FBXW11: variants seen among roughly 807,000 people sequenced by gnomAD.
FBXW11 encodes F-box/WD repeat-containing protein 11.
FBXW11 carries 19 observed loss-of-function variants against 77.6 expected under a neutral mutation model. The ratio of observed to expected loss-of-function variants is 0.24; its 90% CI spans 0.17 to 0.36. FBXW11 has a LOEUF of 0.36. Ranked by LOEUF, FBXW11 falls within the 10% of genes least tolerant of loss-of-function variation. The pLI is 1.00. For synonymous variants in FBXW11, 235 were observed against 249.4 expected (o/e 0.94, Z 0.54); for missense variants, 334 against 704.2 (o/e 0.47, Z 5.95).
intron 13 of FBXW11, chr5:171,868,220 T>C (rs1356409963): frequency 2.0e-5 from 3 of 150,126 alleles, no homozygotes; most frequent in East Asian, 1.9e-4. Context: ...TTTTGTCAGA[T>C]GGTGATTTTT....
intron 6 of FBXW11, among the ~76,000 whole-genome samples, 188 bp downstream of exon 6, chr5:171,898,816 A>G (rs1412462678): frequency 6.6e-6 from 1 of 152,208 alleles, no homozygotes. Flanking sequence ...ATTCTTTGCA[A>G]AAGACATTAT....
intron 7 of FBXW11, among the ~76,000 whole-genome samples, chr5:171,889,952 T>C (rs979463042): frequency 6.6e-6 from 1 of 152,030 alleles, no homozygotes; most frequent in African/African-American, 2.4e-5. Flanking sequence ...GGGAAAAATA[T>C]ATGCAAAACA....
chr5:171,918,695 G>C (rs2113973925), intron 2 of FBXW11, among the ~76,000 whole-genome samples: 1 of 152,272 alleles, frequency 6.6e-6, no homozygotes, highest in East Asian at 1.9e-4. Flanking sequence ...GAAGAAGCTA[G>C]ACTCTCAGGC....
chr5:171,986,026 A>G (rs1423389405), intron 1 of FBXW11, among the ~76,000 whole-genome samples: 1 of 152,244 alleles, frequency 6.6e-6, no homozygotes, highest in Non-Finnish European at 1.5e-5. Context: ...ACAGGAAAGT[A>G]CAAGCTCTGA....
chr5:171,978,844 C>T (rs200999367), intron 1 of FBXW11, among the ~76,000 whole-genome samples: 3 of 152,172 alleles, frequency 2.0e-5, no homozygotes, highest in Non-Finnish European at 4.4e-5. Context: ...TCTTTCTTCA[C>T]AAAAGAAATA....
chr5:171,902,229 C>T (rs1431528168), intron 4 of FBXW11, among the ~76,000 whole-genome samples: 1 of 152,140 alleles, frequency 6.6e-6, no homozygotes, highest in Admixed American at 6.5e-5. Context: ...GTAACTTTAT[C>T]CAAAAAGGAA....
chr5:171,950,286 A>T (rs1273920906), intron 2 of FBXW11, among the ~76,000 whole-genome samples: 1 of 152,164 alleles, frequency 6.6e-6, no homozygotes, highest in African/African-American at 2.4e-5. Context: ...TCTATCTTCC[A>T]TGAAAGCAAT....
At chr5:171,872,137 C>T (rs1346559766) in intron 10 of FBXW11, among the ~76,000 whole-genome samples, 2 of 152,144 alleles carry the variant, frequency 1.3e-5, no homozygotes, top group South Asian at 2.1e-4. Context: ...TTTGACCAAA[C>T]ATTAGGCAAT....
At chr5:171,985,204 C>A (rs901005952) in intron 1 of FBXW11, among the ~76,000 whole-genome samples, 23 of 152,190 alleles carry the variant, frequency 1.5e-4, no homozygotes, top group African/African-American at 4.8e-4. Flanking sequence ...TTGCCCTGCT[C>A]TAAAGCATCC....
rs559421835 is a variant in FBXW11, at chr5:171,935,977, G to A, written c.148-21572C>T. On this transcript the variant is annotated intron_variant, in intron 2 of 13. Transcript: ENST00000517395. ...AATACAAAAATTAGCCAGGCATGGT[G>A]GCGGGTGCCTGTAGTCCCAGCTACT... Among the ~76,000 whole-genome samples the A allele has an allele frequency of 2.2e-3, 333 of 151,910 alleles. 2 individuals are homozygous for A. The highest frequency in any genetic ancestry group is 8.0e-3 in the African/African-American group (331 of 41,436).
intron 12 of FBXW11, 48 bp from the exon 13 acceptor site, chr5:171,868,844 T>C (rs757940292): frequency 1.9e-6 from 3 of 1,541,996 alleles, no homozygotes; most frequent in Admixed American, 3.9e-5. Flanking sequence ...TTACAGCCCC[T>C]GATATCTCAC....
chr5:172,002,414 ATGTG>A lies in FBXW11; in HGVS notation c.45+4040_45+4043del, dbSNP rs55720474. 5.7e-3 allele frequency among the ~76,000 whole-genome samples: 824 copies of A among 144,052 alleles called. 8 individuals carry two copies. The highest frequency in any genetic ancestry group is 0.015 in the African/African-American group (595 of 38,998). 94.5% of individuals were successfully genotyped at this position (144,052 alleles called of 152,430 possible). A position where few individuals can be genotyped will look rare whatever the true frequency, so the allele number is the denominator to read the frequency against. On this transcript the variant is annotated intron_variant, in intron 1 of 13. Coordinates refer to ENST00000517395, the MANE Select transcript of FBXW11 (RefSeq NM_001378974.1). ...AGTGAGGTCCATATATTTTATATAA[ATGTG>A]TGTGTGTGTGTGTGTGTGTGTGTGT...
At chr5:171,974,622 G>A (rs1179701657) in intron 1 of FBXW11, among the ~76,000 whole-genome samples, 2 of 152,062 alleles carry the variant, frequency 1.3e-5, no homozygotes, top group Non-Finnish European at 2.9e-5. Context: ...AGGAGGCTGA[G>A]GCAAGAGGAT....
At chr5:171,927,770 A>C (rs905879901) in intron 2 of FBXW11, among the ~76,000 whole-genome samples, 1 of 152,232 alleles carries the variant, frequency 6.6e-6, no homozygotes, top group Admixed American at 6.5e-5. Flanking sequence ...TACATTTTTT[A>C]CTATTAAACA....
At chr5:171,986,586 G>A (rs1006861670) in intron 1 of FBXW11, among the ~76,000 whole-genome samples, 4 of 152,056 alleles carry the variant, frequency 2.6e-5, no homozygotes, top group Admixed American at 1.3e-4. Flanking sequence ...AATTAGCCAG[G>A]CATGGTGGTG....
At chr5:171,955,720 T>C (rs1289620392) in intron 2 of FBXW11, among the ~76,000 whole-genome samples, 2 of 151,930 alleles carry the variant, frequency 1.3e-5, no homozygotes, top group South Asian at 2.1e-4. Context: ...TACCCTCAAT[T>C]ATATACTAGC....
chr5:171,938,993 T>G (rs1006327861), intron 2 of FBXW11, among the ~76,000 whole-genome samples: 24 of 152,112 alleles, frequency 1.6e-4, no homozygotes, highest in African/African-American at 5.8e-4. Context: ...CCCAGCACTT[T>G]GGGAAGCTGA....
intron 1 of FBXW11, among the ~76,000 whole-genome samples, chr5:171,999,487 C>T (rs564247843): frequency 6.6e-6 from 1 of 151,924 alleles, no homozygotes; most frequent in East Asian, 1.9e-4. Flanking sequence ...GCTGGCAGGC[C>T]TTATGCTAGT....
Position 171,911,672 on chromosome 5 carries a change from G to A in FBXW11, c.211-875C>T, listed in dbSNP as rs145408064. On this transcript the variant is annotated intron_variant, in intron 3 of 13. Transcript: ENST00000517395. Reference sequence around the variant, plus strand: ...ATACCTGAAAAGCTCTGCATCTTACGTAGGTGGTTTATGGACAACTCACAG... The same window carrying A: ...ATACCTGAAAAGCTCTGCATCTTACATAGGTGGTTTATGGACAACTCACAG... Among the ~76,000 whole-genome samples, 7 of 152,220 alleles carry A rather than the reference G, an allele frequency of 4.6e-5. No individual in the cohort carries two copies. In the East Asian group the frequency reaches 1.2e-3, roughly 25 times the overall value.
Sources: allele counts gnomAD v4.1 joint callset (sites outside exome capture counted in the v4.1 genomes callset), GRCh38; gene constraint gnomAD v4.1.1; transcripts MANE v1.5; gene names NCBI Gene and HGNC (gene_info 2026-07-23, HGNC 2026-07-21).